Variants in CD163 observed in about 807,000 individuals in gnomAD.
CD163 encodes the protein scavenger receptor cysteine-rich type 1 protein M130.
CD163 carries 64 observed loss-of-function variants against 129.2 expected under a neutral mutation model. That is an observed-to-expected ratio of 0.50 (90% CI 0.41 to 0.61). The LOEUF (loss-of-function observed/expected upper bound fraction) is 0.61. Ranked by LOEUF, CD163 falls within the 20% of genes least tolerant of loss-of-function variation. The pLI is 0.00. For missense variants in CD163, 1,061 were observed against 1,377.9 expected, an observed-to-expected ratio of 0.77 and a Z score of 3.64; for synonymous variants, 446 against 478.5, an observed-to-expected ratio of 0.93 and a Z score of 0.89.
At chr12:7,494,738 G>A (rs1949376272) in intron 6 of CD163, among the ~76,000 whole-genome samples, 1 of 152,138 alleles carries the variant, frequency 6.6e-6, no homozygotes, top group South Asian at 2.1e-4. Context: ...AGAGGGAGCT[G>A]AAGGTTATGT....
chr12:7,493,995 A>G (rs1443779324), intron 6 of CD163, among the ~76,000 whole-genome samples: 2 of 152,236 alleles, frequency 1.3e-5, no homozygotes, highest in Non-Finnish European at 2.9e-5. Context: ...AATTTGATCA[A>G]GAAATTTTAC....
chr12:7,499,988 G>A (rs1182227458), intron 3 of CD163, among the ~76,000 whole-genome samples: 1 of 152,158 alleles, frequency 6.6e-6, no homozygotes, highest in African/African-American at 2.4e-5. Context: ...TTAGCTATGT[G>A]AAAATTTATT....
intron 14 of CD163, 79 bp from the exon 15 acceptor site, chr12:7,481,335 G>A (rs1005653591): frequency 7.6e-5 from 77 of 1,007,364 alleles, no homozygotes; most frequent in Non-Finnish European, 1.0e-4. Flanking sequence ...TTTTCCAAGC[G>A]CTGCAAACAT....
chr12:7,483,842 T>TATATATATATATATATATATA (rs71067190), intron 11 of CD163, 167 bp from the exon 12 acceptor site: 4 of 61,894 alleles, frequency 6.5e-5, no homozygotes, highest in African/African-American at 2.5e-4. Flanking sequence ...TATATATATA[T>TATATATATATATATATATATA]TTTTTTTTTT....
chr12:7,491,543 T>C (rs541291326), intron 6 of CD163, among the ~76,000 whole-genome samples: 2 of 152,116 alleles, frequency 1.3e-5, no homozygotes, highest in Non-Finnish European at 2.9e-5. Context: ...AGTAACTGAA[T>C]CTGTTTTTCT....
chr12:7,487,336 C>T lies in CD163; in HGVS notation c.2050+23G>A. ...GTACACCTTCTCTTAAGACCCATCA[C>T]TGGCTGCCCGTCATCCTCTTACCTG... On this transcript the variant is annotated intron_variant, in intron 8 of 16. Transcript: ENST00000432237. This position sits in a 1 kb window ranked among gnomAD's most constrained non-coding sequence, Gnocchi z 5.1. 6.5e-7 allele frequency: 1 copy of T among 1,544,800 alleles called. No homozygotes were observed. The highest frequency in any genetic ancestry group is 8.7e-7 in the Non-Finnish European group (1 of 1,148,878).
At chr12:7,472,660 C>T (rs1472554460) in intron 16 of CD163, among the ~76,000 whole-genome samples, 1 of 152,198 alleles carries the variant, frequency 6.6e-6, no homozygotes, top group Non-Finnish European at 1.5e-5. Context: ...ACCAGAATGG[C>T]TCTTCTCCTT....
At chr12:7,502,855 A>G in intron 1 of CD163, 1 of 550,966 alleles carries the variant, frequency 1.8e-6, no homozygotes, top group East Asian at 3.0e-5. Flanking sequence ...AAATGGAAAC[A>G]ACATCAATGA....
At chr12:7,493,189 T>C (rs1193508245) in intron 6 of CD163, among the ~76,000 whole-genome samples, 5 of 152,136 alleles carry the variant, frequency 3.3e-5, no homozygotes, top group Non-Finnish European at 7.4e-5. Context: ...AGAAAGTGGG[T>C]TGTGAAAGGT....
chr12:7,483,842 T>TATATATATATATATATATATATATATA, intron 11 of CD163, 167 bp from the exon 12 acceptor site: 1 of 61,892 alleles, frequency 1.6e-5, no homozygotes, highest in African/African-American at 6.2e-5. Flanking sequence ...TATATATATA[T>TATATATATATATATATATATATATATA]TTTTTTTTTT....
rs1413058585 is a variant in CD163, at chr12:7,479,888, T to C, written c.*3A>G. The C allele has an allele frequency of 6.2e-7, 1 of 1,612,422 alleles. No individual in the cohort carries two copies. The highest frequency in any genetic ancestry group is 8.5e-7 in the Non-Finnish European group (1 of 1,179,250). ...ACTGGGTTATAAATTCCCATTTTCC[T>C]TTTCAGTGTGGCTCAGAATGGCCTC... On this transcript the variant is annotated 3_prime_UTR_variant, in exon 16 of 17. Transcript: ENST00000432237.
In CD163 at chr12:7,486,524, C is replaced by T; in HGVS notation, c.2433G>A (p.Lys811=). The T allele has an allele frequency of 6.2e-7, 1 of 1,614,132 alleles. No individual in the cohort carries two copies. The highest frequency in any genetic ancestry group is 8.5e-7 in the Non-Finnish European group (1 of 1,179,962). ...HGWGQQNCRH[K]EDAGVICSEF... ...CTGAGCAGATAACTCCCGCATCCTCCTTGTGCCTGCAATTTTGCTGCCCCC... is the reference window on the plus strand; with the variant it reads ...CTGAGCAGATAACTCCCGCATCCTCTTTGTGCCTGCAATTTTGCTGCCCCC... Residue 811 remains lysine, a synonymous_variant, in exon 10 of 17, where the codon AAG becomes AAA. Coordinates refer to ENST00000432237, the MANE Select transcript of CD163 (RefSeq NM_203416.4).
chr12:7,498,378 T>A (rs1949432127), intron 4 of CD163, among the ~76,000 whole-genome samples: 1 of 152,118 alleles, frequency 6.6e-6, no homozygotes, highest in African/African-American at 2.4e-5. Context: ...CTAGTATAAA[T>A]AAAGTTTTAA....
intron 16 of CD163, among the ~76,000 whole-genome samples, chr12:7,479,110 A>G (rs1385995199): frequency 6.6e-6 from 1 of 152,152 alleles, no homozygotes; most frequent in Non-Finnish European, 1.5e-5. Context: ...CATAAAGTAT[A>G]GCAGGTAAGA....
At chr12:7,490,025 G>C (rs774722533) in intron 6 of CD163, among the ~76,000 whole-genome samples, 2 of 151,964 alleles carry the variant, frequency 1.3e-5, no homozygotes, top group African/African-American at 4.8e-5. Flanking sequence ...TCTTTTCAAG[G>C]CTGTTCAATT....
At position 7,487,376 on chromosome 12, in the gene CD163, G is replaced by A; in HGVS notation, c.2033C>T (p.Ala678Val). The A allele has an allele frequency of 6.3e-7, 1 of 1,591,548 alleles. No homozygotes were observed. The highest frequency in any genetic ancestry group is 8.6e-7 in the Non-Finnish European group (1 of 1,168,852). The change falls in exon 8 of 17, where the codon GCC becomes GTC. Residue 678 changes from alanine (A) to valine (V), a missense_variant. Coordinates refer to ENST00000432237, the MANE Select transcript of CD163 (RefSeq NM_203416.4). The surrounding 1 kb of genome is among the most constrained non-coding windows in gnomAD (Gnocchi z 5.1). ...CCTCTTACCTGAGCAGATTACAGAG[G>A]CCACTTGCTCTGAAGGACATAATGA... ...GASLCPSEQV[A>V]SVICSGNQSQ...
intron 2 of CD163, among the ~76,000 whole-genome samples, chr12:7,501,992 T>C (rs759008680): frequency 6.6e-6 from 1 of 152,358 alleles, no homozygotes; most frequent in African/African-American, 2.4e-5. Context: ...TGCTATTTTC[T>C]ACCATAAAAT....
chr12:7,493,043 T>C (rs1565405554), intron 6 of CD163, among the ~76,000 whole-genome samples: 2 of 152,194 alleles, frequency 1.3e-5, no homozygotes, highest in Non-Finnish European at 2.9e-5. Flanking sequence ...TACTTTCAGA[T>C]GGCATTGGGT....
At chr12:7,483,745 G>T in intron 11 of CD163, 70 bp from the exon 12 acceptor site, 10 of 903,828 alleles carry the variant, frequency 1.1e-5, no homozygotes, top group Non-Finnish European at 1.4e-5. Flanking sequence ...CAGGTGAAAA[G>T]AGAGATTTGA....
Sources: allele counts gnomAD v4.1 joint callset (sites outside exome capture counted in the v4.1 genomes callset), GRCh38; gene constraint gnomAD v4.1.1; non-coding constraint Gnocchi (gnomAD v3.1); transcripts MANE v1.5; gene names NCBI Gene and HGNC (gene_info 2026-07-23, HGNC 2026-07-21).